The following MEGF8 variants were observed in gnomAD, a reference collection of about 807,000 sequenced individuals.
MEGF8 encodes the protein multiple epidermal growth factor-like domains protein 8.
Under a neutral mutation model 302.9 loss-of-function variants are expected in MEGF8, and 156 were observed. The observed-to-expected ratio is 0.52, with a 90% CI of 0.45 to 0.59. MEGF8 has a LOEUF of 0.59. Among genes scored for constraint, MEGF8 ranks in the 20% least tolerant of loss-of-function variants. The pLI, the probability that MEGF8 is intolerant of heterozygous loss-of-function variation, is 0.00. For synonymous variants in MEGF8, 1,621 were observed against 1,660.5 expected (o/e 0.98, Z 0.58); for missense variants, 3,345 against 3,964.5 (o/e 0.84, Z 4.20).
Position 42,355,836 on chromosome 19 carries a change from G to A in MEGF8, c.4223G>A (p.Gly1408Glu), listed in dbSNP as rs1477073032. 6.4e-7 allele frequency: 1 copy of A among 1,569,976 alleles called. No homozygotes were observed. Among genetic ancestry groups the A allele is most frequent in the Non-Finnish European group, 8.6e-7 (1 of 1,157,356 alleles). The change falls in exon 24 of 42, where the codon GGG becomes GAG. Residue 1408 changes from glycine to glutamate, a missense_variant. Coordinates refer to ENST00000251268, the MANE Select transcript of MEGF8 (RefSeq NM_001271938.2). ...FNASVGSARC[G>E]SGGPGSCPVP... ...GCTTCGGTGGGCTCTGCCCGCTGTGGGTCAGGGGGCCCCGGGAGCTGTCCC... is the reference window on the plus strand; with the variant it reads ...GCTTCGGTGGGCTCTGCCCGCTGTGAGTCAGGGGGCCCCGGGAGCTGTCCC...
chr19:42,344,502 C>T lies in MEGF8; in HGVS notation c.1850C>T (p.Ala617Val), dbSNP rs1218076278. The T allele has an allele frequency of 5.6e-6, 9 of 1,598,874 alleles. No individual in the cohort carries two copies. The highest frequency in any genetic ancestry group is 1.9e-4 in the Middle Eastern group (1 of 5,286). Residue 617 changes from alanine (A) to valine (V), a missense_variant, in exon 11 of 42, where the codon GCC becomes GTC. Transcript: ENST00000251268. The surrounding 1 kb of genome is among the most constrained non-coding windows in gnomAD (Gnocchi z 4.5). Reference sequence around the variant, plus strand: ...CTGGGTGACTGCCAGGCCTGCCTGGCCTTCAGCAGCCCCACAGCCCCTCCA... The same window carrying T: ...CTGGGTGACTGCCAGGCCTGCCTGGTCTTCAGCAGCCCCACAGCCCCTCCA... ...RLLGDCQACL[A>V]FSSPTAPPRG...
In MEGF8 at chr19:42,351,771, G is replaced by T. The variant is rs779935562; in HGVS notation, c.3101+10G>T. The T allele has an allele frequency of 7.2e-5, 112 of 1,562,644 alleles. 1 individual carries two copies. In the South Asian group the frequency reaches 1.3e-3, roughly 18 times the overall value. ...ACCCCACACTGGGACGGTGAGCCCGGGCAGGTGGGTGGGCAGGGTGCCCGG... is the reference window on the plus strand; with the variant it reads ...ACCCCACACTGGGACGGTGAGCCCGTGCAGGTGGGTGGGCAGGGTGCCCGG... On this transcript the variant is annotated intron_variant, in intron 18 of 41. Coordinates refer to ENST00000251268, the MANE Select transcript of MEGF8 (RefSeq NM_001271938.2). This position sits in a 1 kb window ranked among gnomAD's most constrained non-coding sequence, Gnocchi z 5.6.
In MEGF8 at chr19:42,368,380, C is replaced by G. The variant is rs542416264; in HGVS notation, c.6274-75C>G. On this transcript the variant is annotated intron_variant, in intron 35 of 41. Coordinates refer to ENST00000251268, the MANE Select transcript of MEGF8 (RefSeq NM_001271938.2). The surrounding 1 kb of genome is among the most constrained non-coding windows in gnomAD (Gnocchi z 4.9). Reference sequence around the variant, plus strand: ...AAAGAGGGTGTGGTCTGGGAAGATACCCAGAATGTGTTTGTTTAAGCTTAT... The same window carrying G: ...AAAGAGGGTGTGGTCTGGGAAGATAGCCAGAATGTGTTTGTTTAAGCTTAT... 2.8e-5 allele frequency: 37 copies of G among 1,328,728 alleles called. No individual in the cohort carries two copies. In the African/African-American group the frequency reaches 5.1e-4, roughly 18 times the overall value. The allele number at this position is 1,328,728 out of a possible 1,614,324, so 82.3% of individuals were successfully genotyped here. A position where few individuals can be genotyped will look rare whatever the true frequency, so the allele number is the denominator to read the frequency against.
intron 5 of MEGF8, 59 bp from the exon 6 acceptor site, chr19:42,335,872 A>G: frequency 7.1e-7 from 1 of 1,414,370 alleles, no homozygotes; most frequent in South Asian, 1.5e-5. Flanking sequence ...TCTCTGTCTA[A>G]GCCTGGCTCT....
Position 42,326,068 on chromosome 19 carries a change from C to A in MEGF8, c.-176C>A. ...GGGCTCAGCCCTCGGCTTCCAGAGC[C>A]TGTCAGCAGTGGCCGTACCCTTCGC... is the stretch of plus-strand genomic sequence containing the variant. On this transcript the variant is annotated 5_prime_UTR_variant, in exon 1 of 42. The change creates a new upstream start codon in the 5' untranslated region. Transcript: ENST00000251268. 1 of 1,070,394 alleles carries A rather than the reference C, an allele frequency of 9.3e-7. No individual in the cohort carries two copies. Among genetic ancestry groups the A allele is most frequent in the Non-Finnish European group, 1.2e-6 (1 of 801,050 alleles). The allele number at this position is 1,070,394 out of a possible 1,614,324, so 66.3% of individuals were successfully genotyped here. A position where few individuals can be genotyped will look rare whatever the true frequency, so the allele number is the denominator to read the frequency against.
chr19:42,361,017 C>G lies in MEGF8; in HGVS notation c.5720+11C>G. 3.3e-6 allele frequency: 5 copies of G among 1,534,136 alleles called. No individual in the cohort carries two copies. The highest frequency in any genetic ancestry group is 4.4e-6 in the Non-Finnish European group (5 of 1,140,592). On this transcript the variant is annotated intron_variant, in intron 32 of 41. Transcript: ENST00000251268. ...GGATCAGGCCCACAGGTAACCATGG[C>G]GACCATGACAGGCAGTGGGGAGTGG... is the stretch of plus-strand genomic sequence containing the variant.
In MEGF8 at chr19:42,352,539, G is replaced by A; in HGVS notation, c.3350+83G>A. On this transcript the variant is annotated intron_variant, in intron 19 of 41. Transcript: ENST00000251268. The surrounding 1 kb of genome is among the most constrained non-coding windows in gnomAD (Gnocchi z 4.4). ...GGAGGGAGGAAGCCATCATGGCGCT[G>A]GGTCCCCTCCTGTGGAACCAGCATC... The A allele has an allele frequency of 6.8e-7, 1 of 1,475,692 alleles. No individual in the cohort carries two copies. Among genetic ancestry groups the A allele is most frequent in the South Asian group, 1.3e-5 (1 of 74,776 alleles). 91.4% of individuals were successfully genotyped at this position (1,475,692 alleles called of 1,614,324 possible). A position where few individuals can be genotyped will look rare whatever the true frequency, so the allele number is the denominator to read the frequency against.
rs758546477 is a variant in MEGF8, at chr19:42,375,674, C to T, written c.7437C>T (p.Gly2479=). ...ALGPGRTVLF[G]VQPKFTNVDI... Reference sequence around the variant, plus strand: ...GCCCCGGCCGCACTGTCCTCTTTGGCGTGCAGCCCAAATTCACCAACGTGG... The same window carrying T: ...GCCCCGGCCGCACTGTCCTCTTTGGTGTGCAGCCCAAATTCACCAACGTGG... Residue 2479 remains glycine (G), a synonymous_variant, in exon 42 of 42, where the codon GGC becomes GGT. Transcript: ENST00000251268. This position sits in a 1 kb window ranked among gnomAD's most constrained non-coding sequence, Gnocchi z 7.1. 25 of 1,610,492 alleles carry T rather than the reference C, an allele frequency of 1.6e-5. No homozygotes were observed. The highest frequency in any genetic ancestry group is 3.4e-5 in the Admixed American group (2 of 59,620).
rs79719576 is a variant in MEGF8 at position 42,334,152 on chromosome 19, G to T, written c.497G>T (p.Gly166Val). The T allele has an allele frequency of 1.9e-6, 3 of 1,611,288 alleles. No homozygotes were observed. The highest frequency in any genetic ancestry group is 3.3e-5 in the Admixed American group (2 of 59,954). ...TGTGCCTGCGAGCCGGGCTGGGGGG[G>T]TCCTGACTGTGGCCTGCAGGAGTGC... ...GVCACEPGWG[G>V]PDCGLQECSA... The change falls in exon 3 of 42, where the codon GGT becomes GTT. Residue 166 changes from glycine to valine, a missense_variant. By Grantham distance (109) the Gly-to-Val change is moderately radical. Transcript: ENST00000251268.
intron 8 of MEGF8, among the ~76,000 whole-genome samples, chr19:42,337,839 C>G (rs1321840982): frequency 1.4e-5 from 2 of 145,978 alleles, no homozygotes; most frequent in Admixed American, 6.8e-5. Flanking sequence ...AGTCTCGCTC[C>G]GTCGCCCGGG....
rs1426686935 is a variant in MEGF8, at chr19:42,359,083, C to T, written c.5344-15C>T. 6.6e-7 allele frequency: 1 copy of T among 1,509,162 alleles called. No individual in the cohort carries two copies. Among genetic ancestry groups the T allele is most frequent in the Non-Finnish European group, 8.9e-7 (1 of 1,124,406 alleles). The allele number at this position is 1,509,162 out of a possible 1,614,324, so 93.5% of individuals were successfully genotyped here. A position where few individuals can be genotyped will look rare whatever the true frequency, so the allele number is the denominator to read the frequency against. ...ACAGGCTGTCCTGTCCCCCCACCCCCCGTCTCCCCAACAGCCCCGCCCCCG... is the reference window on the plus strand; with the variant it reads ...ACAGGCTGTCCTGTCCCCCCACCCCTCGTCTCCCCAACAGCCCCGCCCCCG... On this transcript the variant is annotated splice_polypyrimidine_tract_variant and intron_variant, in intron 30 of 41. Coordinates refer to ENST00000251268, the MANE Select transcript of MEGF8 (RefSeq NM_001271938.2).
rs569637886 is a variant in MEGF8, at chr19:42,369,797, G to A, written c.6834+74G>A. On this transcript the variant is annotated intron_variant, in intron 38 of 41. Coordinates refer to ENST00000251268, the MANE Select transcript of MEGF8 (RefSeq NM_001271938.2). The surrounding 1 kb of genome is among the most constrained non-coding windows in gnomAD (Gnocchi z 5.7). ...ACTTGCCTTCATCCCACGCTCAGGC[G>A]GCTCGCATCTCATCCTGAGCCCTGA... 6.9e-6 allele frequency: 10 copies of A among 1,447,520 alleles called. No homozygotes were observed. The highest frequency in any genetic ancestry group is 2.6e-5 in the South Asian group (2 of 76,814). 89.7% of individuals were successfully genotyped at this position (1,447,520 alleles called of 1,614,324 possible).
At chr19:42,363,825 C>T (rs2039567106) in intron 35 of MEGF8, among the ~76,000 whole-genome samples, 1 of 152,154 alleles carries the variant, frequency 6.6e-6, no homozygotes. Context: ...GGCCACATGA[C>T]CCGTAATCTC....
In MEGF8 at chr19:42,353,026, C is replaced by A. The variant is rs1015534225; in HGVS notation, c.3449C>A (p.Pro1150His). 8 of 1,558,524 alleles carry A rather than the reference C, an allele frequency of 5.1e-6. No homozygotes were observed. The highest frequency in any genetic ancestry group is 6.9e-6 in the Non-Finnish European group (8 of 1,151,760). Residue 1150 changes from proline (P) to histidine (H), a missense_variant, in exon 20 of 42, where the codon CCC becomes CAC. By Grantham distance (77) the Pro-to-His change is moderately conservative. Transcript: ENST00000251268. This position sits in a 1 kb window ranked among gnomAD's most constrained non-coding sequence, Gnocchi z 6.1. ...ACATCAGACCTGCCCCCTCCCACAC[C>A]CGCCCCGGGTCCGCCAGCCCCCCGC... ...GWTSDLPPPT[P>H]APGPPAPRCS...
intron 41 of MEGF8, 125 bp downstream of exon 41, chr19:42,371,607 A>T: frequency 7.4e-7 from 1 of 1,346,764 alleles, no homozygotes; most frequent in Non-Finnish European, 1.0e-6. Flanking sequence ...TTTGGGATCA[A>T]GTGCAGCTTG....
In MEGF8 at chr19:42,355,862, G is replaced by A. The variant is rs756485611; in HGVS notation, c.4249G>A (p.Val1417Ile). 1.1e-4 allele frequency: 174 copies of A among 1,569,884 alleles called. No individual in the cohort carries two copies. Among genetic ancestry groups the A allele is most frequent in the African/African-American group, 1.5e-4 (11 of 73,870 alleles). ...GTCAGGGGGCCCCGGGAGCTGTCCC[G>A]TCCCCCAGGAATGCGTGCCCCAGGA... ...CGSGGPGSCPVPQECVPQDGA... is the reference protein window; with the variant it reads ...CGSGGPGSCPIPQECVPQDGA... The change falls in exon 24 of 42, where the codon GTC (valine) becomes ATC (isoleucine). Residue 1417 changes from valine to isoleucine, a missense_variant. Val to Ile is a conservative substitution (Grantham distance 29). Transcript: ENST00000251268.
Position 42,344,397 on chromosome 19 carries a change from G to C in MEGF8, c.1789-44G>C. On this transcript the variant is annotated intron_variant, in intron 10 of 41. Transcript: ENST00000251268. This position sits in a 1 kb window ranked among gnomAD's most constrained non-coding sequence, Gnocchi z 4.5. ...ACAGCCCTTCCTTCCCAGATCTCTT[G>C]AGCTCCAGTTGACAGTGAGCCCTTT... 6.5e-7 allele frequency: 1 copy of C among 1,534,934 alleles called. No individual in the cohort carries two copies. The highest frequency in any genetic ancestry group is 8.7e-7 in the Non-Finnish European group (1 of 1,146,604).
At chr19:42,335,799 C>G in intron 5 of MEGF8, 132 bp from the exon 6 acceptor site, 2 of 830,810 alleles carry the variant, frequency 2.4e-6, no homozygotes, top group East Asian at 2.7e-5. Context: ...CTGCCGGTCT[C>G]TGCCTTTCTC....
Position 42,356,945 on chromosome 19 carries a change from C to G in MEGF8, c.4794C>G (p.Val1598=). 6 of 1,610,232 alleles carry G rather than the reference C, an allele frequency of 3.7e-6. No individual in the cohort carries two copies. The highest frequency in any genetic ancestry group is 4.2e-6 in the Non-Finnish European group (5 of 1,178,530). Residue 1598 remains valine, a synonymous_variant, in exon 27 of 42, where the codon GTC becomes GTG. Coordinates refer to ENST00000251268, the MANE Select transcript of MEGF8 (RefSeq NM_001271938.2). The surrounding 1 kb of genome is among the most constrained non-coding windows in gnomAD (Gnocchi z 5.2). ...TAGGVTRDFW[V]LNLTTLQWRQ... ...GAGGCGTCACCCGTGATTTCTGGGT[C>G]CTCAACCTCACCACCCTGCAATGGC...
Sources: gnomAD v4.1 joint callset for allele counts (sites outside exome capture counted in the v4.1 genomes callset) on GRCh38, gnomAD v4.1.1 for gene constraint, Gnocchi (gnomAD v3.1) non-coding constraint, MANE v1.5 for transcripts, NCBI Gene and HGNC (gene_info 2026-07-23, HGNC 2026-07-21) for gene names.